SYT9: variants seen among roughly 807,000 people sequenced by gnomAD.
SYT9 encodes synaptotagmin 9.
SYT9 carries 22 observed loss-of-function variants against 48.4 expected under a neutral mutation model. That is an observed-to-expected ratio of 0.45 (90% confidence interval 0.32 to 0.65). SYT9 has a LOEUF of 0.65. SYT9 is among the 30% of genes least tolerant of loss of function. The pLI, the probability that SYT9 is intolerant of heterozygous loss-of-function variation, is 0.03. For synonymous variants in SYT9, 265 were observed against 245.0 expected (o/e 1.08, Z -0.76); for missense variants, 577 against 622.0 (o/e 0.93, Z 0.77).
intron 1 of SYT9, among the ~76,000 whole-genome samples, chr11:7,301,791 G>A (rs1589926851): frequency 1.3e-5 from 2 of 152,190 alleles, no homozygotes; most frequent in African/African-American, 4.8e-5. Flanking sequence ...GCACTGTAAT[G>A]ACAGGCAGGG....
chr11:7,444,050 C>A (rs938639043), intron 6 of SYT9: 7 of 152,218 alleles, frequency 4.6e-5, no homozygotes, highest in Admixed American at 4.6e-4. Context: ...GTGAGACTGC[C>A]AGTCTACCTG....
chr11:7,453,001 C>T (rs771021412), intron 6 of SYT9, among the ~76,000 whole-genome samples: 75 of 151,998 alleles, frequency 4.9e-4, no homozygotes, highest in Non-Finnish European at 8.8e-4. Context: ...AGGCTGCTCC[C>T]GAACTCCCGA....
intron 3 of SYT9, among the ~76,000 whole-genome samples, chr11:7,322,106 G>A (rs1411465507): frequency 6.6e-6 from 1 of 152,124 alleles, no homozygotes; most frequent in Non-Finnish European, 1.5e-5. Context: ...ATGGGGGAAG[G>A]AAGGGGACCT....
At chr11:7,432,535 G>A (rs1429754806) in intron 6 of SYT9, among the ~76,000 whole-genome samples, 1 of 87,056 alleles carries the variant, frequency 1.1e-5, no homozygotes, top group South Asian at 4.4e-4. Context: ...CAACAAGAGT[G>A]AGACTCCATC....
intron 3 of SYT9, among the ~76,000 whole-genome samples, chr11:7,356,606 A>T (rs903210984): frequency 1.3e-5 from 2 of 152,176 alleles, no homozygotes; most frequent in African/African-American, 4.8e-5. Context: ...TAAACATCTG[A>T]CTTGAGAACA....
At chr11:7,305,583 T>C (rs1849016072) in intron 2 of SYT9, among the ~76,000 whole-genome samples, 1 of 152,208 alleles carries the variant, frequency 6.6e-6, no homozygotes, top group Non-Finnish European at 1.5e-5. Context: ...TTTTTAACAT[T>C]CTTCTTTAAC....
intron 2 of SYT9, among the ~76,000 whole-genome samples, chr11:7,312,777 G>A (rs371224494): frequency 2.4e-4 from 36 of 152,298 alleles, no homozygotes; most frequent in African/African-American, 7.9e-4. Context: ...TACAGCAAAA[G>A]CACAATCCCA....
chr11:7,437,830 A>G (rs1197291709), intron 6 of SYT9: 1 of 152,268 alleles, frequency 6.6e-6, no homozygotes, highest in African/African-American at 2.4e-5. Context: ...TGCTTAGCCT[A>G]AACAGCATAG....
chr11:7,287,671 A>G (rs1173180896), intron 1 of SYT9, among the ~76,000 whole-genome samples: 2 of 152,180 alleles, frequency 1.3e-5, no homozygotes, highest in Non-Finnish European at 2.9e-5. Context: ...CTCATGCTGA[A>G]GTTTCTTACT....
chr11:7,373,607 A>G (rs1414789814), intron 3 of SYT9, among the ~76,000 whole-genome samples: 2 of 152,096 alleles, frequency 1.3e-5, no homozygotes, highest in Non-Finnish European at 2.9e-5. Context: ...TGCAGGGTGT[A>G]CCTAGGGCAG....
chr11:7,444,592 A>T (rs1455697319), intron 6 of SYT9: 1 of 152,172 alleles, frequency 6.6e-6, no homozygotes, highest in Non-Finnish European at 1.5e-5. Flanking sequence ...TATAATTTTG[A>T]AGGCACTGAA....
intron 3 of SYT9, among the ~76,000 whole-genome samples, chr11:7,395,946 T>C (rs1846743672): frequency 6.6e-6 from 1 of 152,120 alleles, no homozygotes; most frequent in Non-Finnish European, 1.5e-5. Flanking sequence ...TATGTACTTA[T>C]ATGTGTTTTT....
intron 6 of SYT9, among the ~76,000 whole-genome samples, chr11:7,434,755 A>C (rs1181721245): frequency 6.6e-6 from 1 of 152,170 alleles, no homozygotes; most frequent in African/African-American, 2.4e-5. Context: ...TATAATCTTA[A>C]ATTTGCACTT....
At chr11:7,296,069 A>G (rs769157840) in intron 1 of SYT9, among the ~76,000 whole-genome samples, 1 of 152,184 alleles carries the variant, frequency 6.6e-6, no homozygotes, top group Non-Finnish European at 1.5e-5. Context: ...TAAGTCTGAT[A>G]TGGAGCAGCC....
chr11:7,435,972 C>T (rs529071836), intron 6 of SYT9: 1 of 150,254 alleles, frequency 6.7e-6, no homozygotes, highest in Non-Finnish European at 1.5e-5. Flanking sequence ...CAGAGCCAGA[C>T]TTCATCTAGA....
chr11:7,405,617 A>T (rs1846993360), intron 3 of SYT9, among the ~76,000 whole-genome samples: 1 of 152,232 alleles, frequency 6.6e-6, no homozygotes, highest in African/African-American at 2.4e-5. Flanking sequence ...TACCACAACC[A>T]CAACAAATGC....
At chr11:7,281,989 A>G (rs900024446) in intron 1 of SYT9, among the ~76,000 whole-genome samples, 3 of 152,184 alleles carry the variant, frequency 2.0e-5, no homozygotes, top group Non-Finnish European at 4.4e-5. Flanking sequence ...GGATACTTAA[A>G]CAGGACTTTG....
intron 3 of SYT9, among the ~76,000 whole-genome samples, chr11:7,367,070 A>ATTTTTTTT (rs1850260250): frequency 3.3e-5 from 3 of 91,836 alleles, no homozygotes; most frequent in African/African-American, 1.2e-4. Flanking sequence ...CCAGGAGACC[A>ATTTTTTTT]TCTTTTTTTT....
At chr11:7,429,383 G>A (rs572278984) in intron 6 of SYT9, among the ~76,000 whole-genome samples, 24 of 152,306 alleles carry the variant, frequency 1.6e-4, no homozygotes, top group African/African-American at 5.3e-4. Flanking sequence ...GGGAGCAGCT[G>A]TGGCTTCTTT....
Sources: gnomAD v4.1 joint callset for allele counts (sites outside exome capture counted in the v4.1 genomes callset) on GRCh38, gnomAD v4.1.1 for gene constraint, MANE v1.5 for transcripts, NCBI Gene and HGNC (gene_info 2026-07-23, HGNC 2026-07-21) for gene names.